Variants in TTLL7 observed in about 807,000 individuals in gnomAD.
TTLL7 encodes the protein tubulin tyrosine ligase like 7.
In TTLL7, 53 loss-of-function variants were observed where a neutral mutation model predicts 120.2. That is an observed-to-expected ratio of 0.44 (90% confidence interval 0.35 to 0.55). The LOEUF (loss-of-function observed/expected upper bound fraction) is 0.55. Ranked by LOEUF, TTLL7 falls within the 20% of genes least tolerant of loss-of-function variation. The pLI, the probability that TTLL7 is intolerant of heterozygous loss-of-function variation, is 0.00. For missense variants in TTLL7, 803 were observed against 1,054.7 expected, an observed-to-expected ratio of 0.76 and a Z score of 3.31; for synonymous variants, 353 against 351.7, an observed-to-expected ratio of 1.00 and a Z score of -0.04.
chr1:83,926,096 C>T (rs645842), intron 10 of TTLL7, among the ~76,000 whole-genome samples: 147,243 of 150,108 alleles, frequency 0.98, 72,235 homozygotes, highest in East Asian at 1. Flanking sequence ...ACTCCAGTCT[C>T]TTTTGGGACT....
Position 83,877,735 on chromosome 1 carries a change from C to T in TTLL7, c.2543+5228G>A, listed in dbSNP as rs1232037285. Among the ~76,000 whole-genome samples, 46 of 151,812 alleles carry T rather than the reference C, an allele frequency of 3.0e-4. 2 individuals carry two copies. Among genetic ancestry groups the T allele is most frequent in the Admixed American group, 3.0e-3 (46 of 15,192 alleles). On this transcript the variant is annotated intron_variant, in intron 20 of 20. Transcript: ENST00000260505. ...TCTCCATTTTATATTCTTTATCAGT[C>T]TCACCCGGTATTTACCAATTTTATT...
At chr1:83,929,048 C>A (rs1049290200) in intron 10 of TTLL7, 88 bp downstream of exon 10, 27 of 573,200 alleles carry the variant, frequency 4.7e-5, no homozygotes, top group African/African-American at 4.5e-4. Flanking sequence ...AATAAATATA[C>A]TATTCTGAAA....
chr1:83,921,289 C>G lies in TTLL7; in HGVS notation c.1248G>C (p.Trp416Cys). Residue 416 changes from tryptophan to cysteine, a missense_variant, in exon 11 of 21, where the codon TGG (tryptophan) becomes TGC (cysteine). This residue lies in a region of TTLL7 where 324 missense variants were observed against 507.7 expected (regional missense o/e 0.64). Coordinates refer to ENST00000260505, the MANE Select transcript of TTLL7 (RefSeq NM_024686.6). ...IKRLLPGSSD[W>C]EQQRHQLERR... The stretch of plus-strand genomic sequence containing the variant: ...TCTCCAACTGGTGTCTCTGCTGTTC[C>G]CAGTCTGAGGAGCCTGGTAAGAGCC... 1 of 1,613,332 alleles carries G rather than the reference C, an allele frequency of 6.2e-7. No homozygotes were observed. The highest frequency in any genetic ancestry group is 8.5e-7 in the Non-Finnish European group (1 of 1,179,766).
Position 83,942,379 on chromosome 1 carries a change from T to C in TTLL7, c.723+84A>G, listed in dbSNP as rs1330172059. ...ACCTGAGAGGAGCAACTTTCATTCATACAATCTATATGCCTAATGGATGCT... is the reference window on the plus strand; with the variant it reads ...ACCTGAGAGGAGCAACTTTCATTCACACAATCTATATGCCTAATGGATGCT... On this transcript the variant is annotated intron_variant, in intron 7 of 20. Coordinates refer to ENST00000260505, the MANE Select transcript of TTLL7 (RefSeq NM_024686.6). The C allele has an allele frequency of 4.3e-5, 49 of 1,134,268 alleles. No individual in the cohort carries two copies. The South Asian group carries it at 6.2e-4, about 14-fold the overall frequency. 70.3% of individuals were successfully genotyped at this position (1,134,268 alleles called of 1,614,324 possible). A position where few individuals can be genotyped will look rare whatever the true frequency, so the allele number is the denominator to read the frequency against.
intron 8 of TTLL7, among the ~76,000 whole-genome samples, chr1:83,936,089 T>A (rs1355492426): frequency 6.6e-6 from 1 of 152,178 alleles, no homozygotes; most frequent in African/African-American, 2.4e-5. Flanking sequence ...TTGGCTATGT[T>A]TGGGTCATAT....
At chr1:83,905,570 T>TA (rs566842188) in intron 17 of TTLL7, among the ~76,000 whole-genome samples, 48 of 143,810 alleles carry the variant, frequency 3.3e-4, no homozygotes, top group African/African-American at 3.0e-4. Context: ...ATTATATCTG[T>TA]AAAAAAAAAA....
In TTLL7 at chr1:83,880,935, CGCATAT is replaced by C. The variant is rs1193649934; in HGVS notation, c.2543+2022_2543+2027del. 3.9e-5 allele frequency among the ~76,000 whole-genome samples: 6 copies of C among 152,056 alleles called. No homozygotes were observed. In the East Asian group the frequency reaches 1.2e-3, roughly 29 times the overall value. ...AGAACAGAGCCCTCAGAAATAATGC[CGCATAT>C]CTACAACTATCCGATCTTTGAGAAA... On this transcript the variant is annotated intron_variant, in intron 20 of 20. Coordinates refer to ENST00000260505, the MANE Select transcript of TTLL7 (RefSeq NM_024686.6).
At chr1:83,887,575 T>G (rs80117818) in intron 19 of TTLL7, among the ~76,000 whole-genome samples, 6,351 of 152,186 alleles carry the variant, frequency 0.042, 158 homozygotes, top group Middle Eastern at 0.099. Flanking sequence ...GTAGATGAGA[T>G]TGGAGTCAAA....
chr1:83,973,458 T>C (rs1222035124), intron 1 of TTLL7, among the ~76,000 whole-genome samples: 1 of 152,078 alleles, frequency 6.6e-6, no homozygotes, highest in Non-Finnish European at 1.5e-5. Context: ...ACCATACTGT[T>C]TCAATTGTTG....
At chr1:83,880,217 G>C (rs1654323591) in intron 20 of TTLL7, 1 of 151,872 alleles carries the variant, frequency 6.6e-6, no homozygotes, top group Admixed American at 6.6e-5. Flanking sequence ...TAAAACTGTA[G>C]AATATAACTT....
chr1:83,882,081 A>C (rs1654543725), intron 20 of TTLL7, among the ~76,000 whole-genome samples: 1 of 107,690 alleles, frequency 9.3e-6, no homozygotes, highest in Non-Finnish European at 1.7e-5. Context: ...CACTCTGGGA[A>C]CTGTTGTGGG....
chr1:83,995,943 A>C (rs1653438894), intron 1 of TTLL7, among the ~76,000 whole-genome samples: 1 of 152,192 alleles, frequency 6.6e-6, no homozygotes, highest in African/African-American at 2.4e-5. Flanking sequence ...GCCTGCTATT[A>C]GGCATTTTAA....
At chr1:83,943,565 T>C (rs976125370) in intron 6 of TTLL7, among the ~76,000 whole-genome samples, 2 of 152,194 alleles carry the variant, frequency 1.3e-5, no homozygotes, top group African/African-American at 2.4e-5. Context: ...TGTCCAATTA[T>C]TAGCTGACCA....
intron 1 of TTLL7, among the ~76,000 whole-genome samples, chr1:83,964,870 G>T (rs1243293383): frequency 6.6e-6 from 1 of 151,980 alleles, no homozygotes; most frequent in East Asian, 1.9e-4. Flanking sequence ...AATCAACAAA[G>T]CTGATTTTCA....
At chr1:83,933,093 A>T (rs1276088039) in intron 9 of TTLL7, among the ~76,000 whole-genome samples, 1 of 152,170 alleles carries the variant, frequency 6.6e-6, no homozygotes, top group Non-Finnish European at 1.5e-5. Context: ...TACAGTTGAC[A>T]GTCTCCCTGA....
chr1:83,884,786 A>C (rs1030737767), intron 19 of TTLL7, among the ~76,000 whole-genome samples: 1 of 150,776 alleles, frequency 6.6e-6, no homozygotes, highest in Non-Finnish European at 1.5e-5. Context: ...TGACGAGTTA[A>C]TGGGTGCAGC....
chr1:83,964,955 C>T (rs1650319816), intron 1 of TTLL7, among the ~76,000 whole-genome samples: 1 of 151,936 alleles, frequency 6.6e-6, no homozygotes, highest in Non-Finnish European at 1.5e-5. Context: ...ATATGCAAGT[C>T]TTACTAGAAA....
intron 18 of TTLL7, among the ~76,000 whole-genome samples, chr1:83,892,719 T>TATATGTGAACACATATATATGAGCAC (rs1553129240): frequency 0.012 from 478 of 39,838 alleles, 8 homozygotes; most frequent in African/African-American, 0.028. Flanking sequence ...TATGAACATA[T>TATATGTGAACACATATATATGAGCAC]ATATGTGAAC....
intron 15 of TTLL7, among the ~76,000 whole-genome samples, chr1:83,909,588 T>C (rs1259124801): frequency 6.6e-6 from 1 of 152,004 alleles, no homozygotes; most frequent in African/African-American, 2.4e-5. Flanking sequence ...CTCGTGAATA[T>C]AAAAATAAAA....
Sources: gnomAD v4.1 joint callset for allele counts (sites outside exome capture counted in the v4.1 genomes callset) on GRCh38, gnomAD v4.1.1 for gene constraint, gnomAD v4.1.1 regional missense constraint, MANE v1.5 for transcripts, NCBI Gene and HGNC (gene_info 2026-07-23, HGNC 2026-07-21) for gene names.